Variants in CHD1 observed in about 807,000 individuals in gnomAD.
CHD1 encodes chromodomain helicase DNA binding protein 1.
In CHD1, 36 loss-of-function variants were observed where a neutral mutation model predicts 224.2. The ratio of observed to expected loss-of-function variants is 0.16; its 90% CI spans 0.12 to 0.21. The LOEUF (loss-of-function observed/expected upper bound fraction) is 0.21. Ranked by LOEUF, CHD1 falls within the 10% of genes least tolerant of loss-of-function variation. CHD1 has a pLI of 1.00. For missense variants in CHD1, 1,378 were observed against 1,994.8 expected, an observed-to-expected ratio of 0.69 and a Z score of 5.89; for synonymous variants, 668 against 658.3, an observed-to-expected ratio of 1.01 and a Z score of -0.23.
At chr5:98,928,453 T>TGGGCACCGCGCCGCGCCC (rs1753648234) in intron 1 of CHD1, 86 bp downstream of exon 1, 1 of 152,936 alleles carries the variant, frequency 6.5e-6, no homozygotes. Context: ...GGCCGCCGCC[T>TGGGCACCGCGCCGCGCCC]GGGCACCGCG....
chr5:98,867,397 A>G (rs552023768), intron 31 of CHD1, among the ~76,000 whole-genome samples: 2 of 152,332 alleles, frequency 1.3e-5, no homozygotes, highest in African/African-American at 4.8e-5. Context: ...TACTGCATCT[A>G]CTAACAAAAC....
chr5:98,888,313 C>T (rs1415659892), intron 16 of CHD1, 73 bp from the exon 17 acceptor site: 12 of 1,024,236 alleles, frequency 1.2e-5, no homozygotes, highest in East Asian at 2.8e-5. Flanking sequence ...ACTTTAGTTG[C>T]CTGAATTATT....
chr5:98,867,343 G>A (rs1748954249), intron 31 of CHD1, among the ~76,000 whole-genome samples: 1 of 152,170 alleles, frequency 6.6e-6, no homozygotes, highest in South Asian at 2.1e-4. Flanking sequence ...TACAAAAACT[G>A]AGCCTGTTTA....
At chr5:98,881,220 G>A (rs991718862) in intron 21 of CHD1, 49 bp from the exon 22 acceptor site, 2 of 1,309,442 alleles carry the variant, frequency 1.5e-6, no homozygotes, top group Non-Finnish European at 2.1e-6. Flanking sequence ...CTTTCATCCT[G>A]TCAAATATAT....
chr5:98,901,331 C>T lies in CHD1; in HGVS notation c.442G>A (p.Asp148Asn). 1 of 1,601,588 alleles carries T rather than the reference C, an allele frequency of 6.2e-7. No individual in the cohort carries two copies. Among genetic ancestry groups the T allele is most frequent in the South Asian group, 1.1e-5 (1 of 88,046 alleles). Reference protein sequence around the residue: ...EVKRKKHKDEDWQMSGSGSPS... With the variant: ...EVKRKKHKDENWQMSGSGSPS... Reference sequence around the variant, plus strand: ...GATCCTGACCCAGACATTTGCCAATCTTCACTGCAGACAAAATTTATAAAG... The same window carrying T: ...GATCCTGACCCAGACATTTGCCAATTTTCACTGCAGACAAAATTTATAAAG... The change falls in exon 6 of 36, where the codon GAT (aspartate) becomes AAT (asparagine). Residue 148 changes from aspartate (D) to asparagine (N), a missense_variant. By Grantham distance (23) the Asp-to-Asn change is conservative. Transcript: ENST00000614616.
intron 19 of CHD1, 86 bp downstream of exon 19, chr5:98,883,002 C>T (rs1750305703): frequency 2.2e-6 from 2 of 898,822 alleles, no homozygotes; most frequent in East Asian, 6.0e-5. Context: ...GTGATCTTAT[C>T]CTCTAGAGGA....
At chr5:98,915,918 C>G (rs978934583) in intron 2 of CHD1, among the ~76,000 whole-genome samples, 2 of 152,064 alleles carry the variant, frequency 1.3e-5, no homozygotes, top group Non-Finnish European at 2.9e-5. Flanking sequence ...TTTGGCTGGG[C>G]GCGGTGGCTC....
intron 11 of CHD1, among the ~76,000 whole-genome samples, chr5:98,896,885 A>G (rs1031873044): frequency 6.6e-6 from 1 of 152,100 alleles, no homozygotes; most frequent in Non-Finnish European, 1.5e-5. Context: ...GAGTAAATGG[A>G]TATTAAAATA....
At chr5:98,880,988 C>CT in intron 22 of CHD1, 88 bp downstream of exon 22, 2 of 797,128 alleles carry the variant, frequency 2.5e-6, no homozygotes, top group Non-Finnish European at 4.2e-6. Flanking sequence ...CCTGATTATG[C>CT]TTAAAGAAAG....
At chr5:98,911,179 A>C (rs1286246945) in intron 2 of CHD1, among the ~76,000 whole-genome samples, 2 of 137,718 alleles carry the variant, frequency 1.5e-5, no homozygotes, top group Non-Finnish European at 3.1e-5. Context: ...ATATATATAG[A>C]GGCATGTCAA....
chr5:98,910,575 A>G (rs1268937876), intron 2 of CHD1, among the ~76,000 whole-genome samples: 1 of 152,054 alleles, frequency 6.6e-6, no homozygotes, highest in Non-Finnish European at 1.5e-5. Context: ...ACTCCTCTAC[A>G]CTATGTCCTC....
At position 98,885,503 on chromosome 5, in the gene CHD1, A is replaced by T. The variant is rs1750588441; in HGVS notation, c.2568+75T>A. 1.1e-5 allele frequency: 10 copies of T among 922,296 alleles called. No homozygotes were observed. The Admixed American group carries it at 2.4e-4, about 22-fold the overall frequency. The allele number at this position is 922,296 out of a possible 1,614,324, so 57.1% of individuals were successfully genotyped here. ...ATCAAACTAGATATGAAGATTAAAA[A>T]TGTCTGAATATAATAATGTAATATA... On this transcript the variant is annotated intron_variant, in intron 18 of 35. Transcript: ENST00000614616.
At position 98,903,338 on chromosome 5, in the gene CHD1, C is replaced by T. The variant is rs952608959; in HGVS notation, c.373-374G>A. On this transcript the variant is annotated intron_variant, in intron 4 of 35. Transcript: ENST00000614616. The stretch of plus-strand genomic sequence containing the variant: ...ATAATTTTTCCTGAATGTTTTTGTG[C>T]AAACATACATGTATGCATGCTTGCA... Among the ~76,000 whole-genome samples the T allele has an allele frequency of 3.3e-5, 5 of 152,224 alleles. No homozygotes were observed. The East Asian group carries it at 9.6e-4, about 29-fold the overall frequency.
intron 2 of CHD1, among the ~76,000 whole-genome samples, chr5:98,915,841 T>C (rs1004658614): frequency 6.6e-6 from 1 of 152,220 alleles, no homozygotes; most frequent in Non-Finnish European, 1.5e-5. Context: ...TACTTTAATA[T>C]AAACTTCAAA....
chr5:98,902,410 T>G (rs1751776819), intron 5 of CHD1, among the ~76,000 whole-genome samples: 1 of 152,030 alleles, frequency 6.6e-6, no homozygotes, highest in Non-Finnish European at 1.5e-5. Context: ...ATCATTAAAA[T>G]AAACATGGAT....
intron 32 of CHD1, among the ~76,000 whole-genome samples, chr5:98,861,388 T>C (rs1317690891): frequency 6.6e-6 from 1 of 152,162 alleles, no homozygotes; most frequent in African/African-American, 2.4e-5. Flanking sequence ...AAACTAGTCT[T>C]GCATTTCAGT....
intron 28 of CHD1, 102 bp from the exon 29 acceptor site, chr5:98,870,905 A>C: frequency 1.9e-6 from 1 of 534,880 alleles, no homozygotes. Flanking sequence ...TAGTTCACCA[A>C]CAAGTTTCAA....
intron 2 of CHD1, 31 bp from the exon 3 acceptor site, chr5:98,905,129 A>G: frequency 6.2e-7 from 1 of 1,610,272 alleles, no homozygotes; most frequent in Non-Finnish European, 8.5e-7. Context: ...ATTTCAAACA[A>G]AATTCATTAG....
intron 1 of CHD1, among the ~76,000 whole-genome samples, chr5:98,927,993 A>T (rs945550980): frequency 6.6e-6 from 1 of 152,118 alleles, no homozygotes; most frequent in African/African-American, 2.4e-5. Flanking sequence ...CTAAGTTTTT[A>T]AAGCGGCACT....
Sources: allele counts gnomAD v4.1 joint callset (sites outside exome capture counted in the v4.1 genomes callset), GRCh38; gene constraint gnomAD v4.1.1; transcripts MANE v1.5; gene names NCBI Gene and HGNC (gene_info 2026-07-23, HGNC 2026-07-21).